Variants in C1orf159 observed in about 807,000 individuals in gnomAD.
C1orf159 encodes chromosome 1 open reading frame 159.
Under a neutral mutation model 25.6 loss-of-function variants are expected in C1orf159, and 19 were observed. That is an observed-to-expected ratio of 0.74 (90% CI 0.52 to 1.09). The LOEUF is 1.09. Ranked by LOEUF, C1orf159 falls within the 50% of genes least tolerant of loss-of-function variation. The probability of loss-of-function intolerance (pLI) is 0.00; values close to 1 mark genes in which losing one functional copy is unlikely to be tolerated. For missense variants in C1orf159, 274 were observed against 290.6 expected, an observed-to-expected ratio of 0.94 and a Z score of 0.42; for synonymous variants, 139 against 124.7, an observed-to-expected ratio of 1.12 and a Z score of -0.77.
chr1:1,091,557 G>T lies in C1orf159; in HGVS notation c.-14C>A, dbSNP rs1213399931. ...CCGCAGCGCCATGCCAGGAGCAGAT[G>T]CGCAGAGCCTGCCACAGGGAGGAGC... On this transcript the variant is annotated 5_prime_UTR_variant, in exon 3 of 10. Coordinates refer to ENST00000421241, the MANE Select transcript of C1orf159 (RefSeq NM_017891.5). 1 of 1,548,304 alleles carries T rather than the reference G, an allele frequency of 6.5e-7. No homozygotes were observed. Among genetic ancestry groups the T allele is most frequent in the Non-Finnish European group, 8.7e-7 (1 of 1,146,422 alleles).
At chr1:1,084,179 G>A (rs1346568570) in intron 9 of C1orf159, 174 bp downstream of exon 9, 1 of 1,530,584 alleles carries the variant, frequency 6.5e-7, no homozygotes, top group Non-Finnish European at 8.8e-7. Context: ...AGAGCAGGGG[G>A]CACCAGCCAA....
At chr1:1,107,190 C>T (rs181968032) in intron 1 of C1orf159, among the ~76,000 whole-genome samples, 6 of 152,380 alleles carry the variant, frequency 3.9e-5, no homozygotes, top group South Asian at 2.1e-4. Flanking sequence ...TGCGGCCAGG[C>T]GCTGGGTCCA....
chr1:1,093,860 G>A (rs997459617), intron 1 of C1orf159, among the ~76,000 whole-genome samples: 1 of 152,218 alleles, frequency 6.6e-6, no homozygotes, highest in African/African-American at 2.4e-5. Context: ...AGGAACTGCA[G>A]CCGTCTTCCA....
chr1:1,085,508 G>A (rs1375538725), intron 7 of C1orf159, among the ~76,000 whole-genome samples: 1 of 149,942 alleles, frequency 6.7e-6, no homozygotes, highest in African/African-American at 2.4e-5. Flanking sequence ...AGGGGAGGGG[G>A]GACCATGGCT....
intron 1 of C1orf159, among the ~76,000 whole-genome samples, chr1:1,111,666 AC>A (rs1350494308): frequency 3.9e-5 from 6 of 152,206 alleles, no homozygotes; most frequent in African/African-American, 1.2e-4. Flanking sequence ...GACCACACCC[AC>A]GCTCACCGTA....
intron 1 of C1orf159, among the ~76,000 whole-genome samples, chr1:1,107,229 C>T (rs547344161): frequency 3.3e-5 from 5 of 152,362 alleles, no homozygotes; most frequent in East Asian, 3.9e-4. Context: ...GCTCCTGAGT[C>T]GGGTGAGGAC....
chr1:1,090,502 AG>A, intron 3 of C1orf159, 74 bp from the exon 4 acceptor site: 3 of 1,457,574 alleles, frequency 2.1e-6, no homozygotes, highest in Admixed American at 2.0e-5. Context: ...GCAGCGGCTG[AG>A]GGGTGCCGTG....
rs115997582 is a variant in C1orf159 at position 1,101,614 on chromosome 1, C to T, written c.-135-9511G>A. On this transcript the variant is annotated intron_variant, in intron 1 of 9. Transcript: ENST00000421241. ...TCTATCAATCAGCTCAGTCTATTGGCTCAGGGTCCGTCGGCTCATGGTCTA... is the reference window on the plus strand; with the variant it reads ...TCTATCAATCAGCTCAGTCTATTGGTTCAGGGTCCGTCGGCTCATGGTCTA... 3.0e-3 allele frequency among the ~76,000 whole-genome samples: 464 copies of T among 152,162 alleles called. 5 individuals carry two copies. Among genetic ancestry groups the T allele is most frequent in the African/African-American group, 0.011 (449 of 41,484 alleles).
In C1orf159 at chr1:1,082,918, C is replaced by G. The variant is rs1355036772; in HGVS notation, c.572G>C (p.Gly191Ala). ...TCAGACATTGCTGATACGGGCCTCC[C>G]CCGGGAAGGCAGCGGGATCCGTGGC... ...DRATDPAAFP[G>A]EARISNV Residue 191 changes from glycine (G) to alanine (A), a missense_variant, in exon 10 of 10, where the codon GGG (glycine) becomes GCG (alanine). Gly to Ala is a moderately conservative substitution (Grantham distance 60, BLOSUM62 0). Transcript: ENST00000421241. 3.1e-6 allele frequency: 5 copies of G among 1,600,280 alleles called. No homozygotes were observed. The highest frequency in any genetic ancestry group is 4.3e-6 in the Non-Finnish European group (5 of 1,174,302).
At chr1:1,105,055 G>A (rs1182844069) in intron 1 of C1orf159, among the ~76,000 whole-genome samples, 1 of 152,206 alleles carries the variant, frequency 6.6e-6, no homozygotes, top group Non-Finnish European at 1.5e-5. Context: ...CTTTAAATAT[G>A]AGGAAAAGAC....
At chr1:1,108,223 A>T (rs1226146141) in intron 1 of C1orf159, among the ~76,000 whole-genome samples, 1 of 130,126 alleles carries the variant, frequency 7.7e-6, no homozygotes, top group African/African-American at 3.5e-5. Context: ...CACCACAGCC[A>T]CCATGTCTCA....
At position 1,090,385 on chromosome 1, in the gene C1orf159, G is replaced by T; in HGVS notation, c.116C>A (p.Ala39Asp). Residue 39 changes from alanine (A) to aspartate (D), a missense_variant, in exon 4 of 10, where the codon GCC becomes GAC. Ala to Asp is a moderately radical substitution (Grantham distance 126, BLOSUM62 -2). Coordinates refer to ENST00000421241, the MANE Select transcript of C1orf159 (RefSeq NM_017891.5). The part of the protein sequence containing the change: ...ECCVDVVGVN[A>D]SCPGASLCGP... ...ACACAGACTTGCGCCTGGGCAGCTG[G>T]CGTTGACGCCCACCACATCCACACA... 6.5e-7 allele frequency: 1 copy of T among 1,550,280 alleles called. No homozygotes were observed. The highest frequency in any genetic ancestry group is 8.7e-7 in the Non-Finnish European group (1 of 1,146,900).
At chr1:1,085,634 A>G (rs1250308735) in intron 7 of C1orf159, among the ~76,000 whole-genome samples, 1 of 152,212 alleles carries the variant, frequency 6.6e-6, no homozygotes, top group Non-Finnish European at 1.5e-5. Context: ...GGGCTCCAGC[A>G]GAGGTTCTGG....
chr1:1,115,882 C>A (rs1364457427), intron 1 of C1orf159, among the ~76,000 whole-genome samples, 178 bp downstream of exon 1: 1 of 150,398 alleles, frequency 6.6e-6, no homozygotes, highest in African/African-American at 2.4e-5. Flanking sequence ...CGGGCCCAGG[C>A]GCTGGCGGCT....
intron 2 of C1orf159, 170 bp from the exon 3 acceptor site, chr1:1,091,735 G>A (rs1645940572): frequency 2.1e-6 from 1 of 480,806 alleles, no homozygotes; most frequent in South Asian, 1.8e-5. Flanking sequence ...GGGGCCAAAT[G>A]GAAGTGGGCG....
chr1:1,102,265 C>T (rs1646112068), intron 1 of C1orf159, among the ~76,000 whole-genome samples: 1 of 151,882 alleles, frequency 6.6e-6, no homozygotes, highest in African/African-American at 2.4e-5. Flanking sequence ...TCTGTAATTA[C>T]CCATGTGTTA....
At chr1:1,096,939 A>C (rs201484993) in intron 1 of C1orf159, among the ~76,000 whole-genome samples, 1 of 152,240 alleles carries the variant, frequency 6.6e-6, no homozygotes, top group East Asian at 1.9e-4. Context: ...ACAAAACTGA[A>C]GCATGATGTT....
chr1:1,082,419 A>C lies in C1orf159; in HGVS notation c.*474T>G. 1 of 175,774 alleles carries C rather than the reference A, an allele frequency of 5.7e-6. No individual in the cohort carries two copies. Among genetic ancestry groups the C allele is most frequent in the Non-Finnish European group, 1.2e-5 (1 of 81,314 alleles). 10.9% of individuals were successfully genotyped at this position (175,774 alleles called of 1,614,324 possible). On this transcript the variant is annotated 3_prime_UTR_variant, in exon 10 of 10. Coordinates refer to ENST00000421241, the MANE Select transcript of C1orf159 (RefSeq NM_017891.5). ...CCCCACTGGCCGGGCACCGGCTGGAACGGCACGAGGACCAGCCTCACTGTT... is the reference window on the plus strand; with the variant it reads ...CCCCACTGGCCGGGCACCGGCTGGACCGGCACGAGGACCAGCCTCACTGTT...
At chr1:1,113,246 C>T (rs561791127) in intron 1 of C1orf159, among the ~76,000 whole-genome samples, 27 of 151,940 alleles carry the variant, frequency 1.8e-4, no homozygotes, top group Admixed American at 5.9e-4. Flanking sequence ...TCATGTCCTT[C>T]CATCAAATTC....
Sources: gnomAD v4.1 joint callset for allele counts (sites outside exome capture counted in the v4.1 genomes callset) on GRCh38, gnomAD v4.1.1 for gene constraint, MANE v1.5 for transcripts, NCBI Gene and HGNC (gene_info 2026-07-23, HGNC 2026-07-21) for gene names.